The following TENM1 variants were observed in gnomAD, a reference collection of about 807,000 sequenced individuals.
TENM1 encodes teneurin-1.
Under a neutral mutation model 174.8 loss-of-function variants are expected in TENM1, and 35 were observed. That is an observed-to-expected ratio of 0.20 (90% CI 0.15 to 0.27). TENM1 has a LOEUF of 0.27. Among genes scored for constraint, TENM1 ranks in the 10% least tolerant of loss-of-function variants. The pLI, the probability that TENM1 is intolerant of heterozygous loss-of-function variation, is 1.00. For synonymous variants in TENM1, 781 were observed against 798.7 expected, an observed-to-expected ratio of 0.98 and a Z score of 0.37; for missense variants, 1,633 against 2,130.1, an observed-to-expected ratio of 0.77 and a Z score of 4.59.
At chrX:125,095,454 A>G in the TENM1 span, among the ~76,000 whole-genome samples, 1 of 111,924 alleles carries the variant, frequency 8.9e-6, no homozygotes, top group Non-Finnish European at 1.9e-5. Context: ...TTAATTAACA[A>G]TAAGCCACCC....
the TENM1 span, among the ~76,000 whole-genome samples, chrX:125,094,230 G>A: frequency 2.7e-5 from 3 of 111,938 alleles, no homozygotes; most frequent in African/African-American, 6.5e-5. Context: ...TGGGCTGTTG[G>A]CTGGTCTCAT....
chrX:124,550,504 C>T (rs922000966), intron 14 of TENM1, among the ~76,000 whole-genome samples: 1 of 111,535 alleles, frequency 9.0e-6, no homozygotes, highest in Non-Finnish European at 1.9e-5. Flanking sequence ...GGTTGATATT[C>T]TCATCCCTAT....
intron 3 of TENM1, among the ~76,000 whole-genome samples, chrX:124,739,321 A>G (rs1293315964): frequency 8.9e-6 from 1 of 111,912 alleles, no homozygotes; most frequent in Non-Finnish European, 1.9e-5. Context: ...AAAGTATAAA[A>G]CTATAAGGCT....
At chrX:124,663,431 T>C (rs768302921) in intron 6 of TENM1, among the ~76,000 whole-genome samples, 2 of 112,233 alleles carry the variant, frequency 1.8e-5, no homozygotes, top group Non-Finnish European at 3.8e-5. Flanking sequence ...TAGAATTACA[T>C]TGGACTCCAC....
intron 23 of TENM1, among the ~76,000 whole-genome samples, chrX:124,452,371 A>G (rs1376624239): frequency 8.9e-6 from 1 of 112,241 alleles, no homozygotes; most frequent in Non-Finnish European, 1.9e-5. Context: ...TCAGGACACA[A>G]CAGGTGCTGG....
chrX:124,903,930 G>A (rs1041774529), intron 1 of TENM1, among the ~76,000 whole-genome samples: 4 of 111,408 alleles, frequency 3.6e-5, no homozygotes, highest in Non-Finnish European at 7.5e-5. Flanking sequence ...TACATGTGCT[G>A]GCCCAATTTT....
chrX:125,083,941 A>T, the TENM1 span, among the ~76,000 whole-genome samples: 2 of 110,653 alleles, frequency 1.8e-5, no homozygotes, highest in Admixed American at 9.7e-5. Context: ...GGAGGGTGGA[A>T]GTGAAAGTGG....
intron 15 of TENM1, 60 bp downstream of exon 18, chrX:124,546,802 GATATCTTCCTTT>G (rs1215951754): frequency 1.2e-6 from 1 of 854,794 alleles, no homozygotes; most frequent in African/African-American, 2.0e-5. Context: ...ATCCTTAGAA[GATATCTTCCTTT>G]CGTAGTTCAG....
intron 31 of TENM1, 149 bp from the exon 35 acceptor site, chrX:124,381,443 C>A: frequency 3.9e-6 from 2 of 514,448 alleles, no homozygotes; most frequent in Non-Finnish European, 6.1e-6. Context: ...GATTTGGAAT[C>A]TCTTCATCAG....
At chrX:124,783,111 T>G (rs1021026287) in intron 3 of TENM1, among the ~76,000 whole-genome samples, 2 of 112,160 alleles carry the variant, frequency 1.8e-5, no homozygotes, top group African/African-American at 6.5e-5. Flanking sequence ...CTCTATGATA[T>G]GAGTGTACTC....
chrX:124,471,241 TATATA>T lies in TENM1; in HGVS notation c.3949+10486_3949+10490del, dbSNP rs1229780996. Among the ~76,000 whole-genome samples, 37 of 64,770 alleles carry T rather than the reference TATATA, an allele frequency of 5.7e-4. 1 individual carries two copies. The highest frequency in any genetic ancestry group is 2.2e-3 in the African/African-American group (33 of 14,833). The allele number at this position is 64,770 out of a possible 115,157, so 56.2% of individuals were successfully genotyped here. A position where few individuals can be genotyped will look rare whatever the true frequency, so the allele number is the denominator to read the frequency against. Reference sequence around the variant, plus strand: ...TTATAATATATAGTACTATATATAATATATAATAATATATATTATAATATATAGTA... The same window carrying T: ...TTATAATATATAGTACTATATATAATATAATATATATTATAATATATAGTA... On this transcript the variant is annotated intron_variant, in intron 22 of 31. Coordinates refer to ENST00000422452, the Ensembl canonical transcript of TENM1.
upstream of TENM1, among the ~76,000 whole-genome samples, chrX:124,964,347 A>T (rs1003260522): frequency 3.6e-5 from 4 of 111,722 alleles, no homozygotes; most frequent in Non-Finnish European, 5.6e-5. Context: ...GGAATAAAGT[A>T]TCCTTGAGGG....
the TENM1 span, among the ~76,000 whole-genome samples, chrX:125,017,544 T>A: frequency 0.14 from 15,578 of 111,042 alleles, 842 homozygotes; most frequent in South Asian, 0.24. Flanking sequence ...AGGATTATAA[T>A]TCATTGTACT....
the TENM1 span, among the ~76,000 whole-genome samples, chrX:125,118,516 G>A: frequency 9.0e-6 from 1 of 111,367 alleles, no homozygotes; most frequent in Non-Finnish European, 1.9e-5. Flanking sequence ...ACATATATCT[G>A]GCAAAGGACT....
At chrX:124,843,001 T>A (rs773889407) in intron 3 of TENM1, among the ~76,000 whole-genome samples, 1 of 110,947 alleles carries the variant, frequency 9.0e-6, no homozygotes, top group Non-Finnish European at 1.9e-5. Flanking sequence ...TCCTACATCA[T>A]CCTACCTCTT....
the TENM1 span, among the ~76,000 whole-genome samples, chrX:125,168,416 G>A: frequency 9.0e-6 from 1 of 111,710 alleles, no homozygotes; most frequent in East Asian, 2.8e-4. Flanking sequence ...AGTGTTTTCT[G>A]TGTGTGGCAA....
intron 3 of TENM1, among the ~76,000 whole-genome samples, chrX:124,858,946 C>T (rs1430908540): frequency 9.0e-6 from 1 of 111,185 alleles, no homozygotes. Context: ...TAGTCCCAAT[C>T]ATATATTTAT....
chrX:124,519,481 G>GGAATT (rs1414045525), intron 18 of TENM1, among the ~76,000 whole-genome samples: 1 of 110,700 alleles, frequency 9.0e-6, no homozygotes, highest in African/African-American at 3.3e-5. Context: ...CAGCTCTGTA[G>GGAATT]GAATTATACC....
In TENM1 at chrX:124,759,163, T is replaced by C. The variant is rs144143122; in HGVS notation, c.536-21966A>G. Among the ~76,000 whole-genome samples the C allele has an allele frequency of 8.6e-3, 963 of 111,662 alleles. 7 individuals carry two copies. The highest frequency in any genetic ancestry group is 0.015 in the Non-Finnish European group (770 of 53,085). Reference sequence around the variant, plus strand: ...AAATCACATGGCGATAGTGTGATTCTGTGGGTCAGCAATATCACAGTGGAC... The same window carrying C: ...AAATCACATGGCGATAGTGTGATTCCGTGGGTCAGCAATATCACAGTGGAC... On this transcript the variant is annotated intron_variant, in intron 3 of 31. Coordinates refer to ENST00000422452, the Ensembl canonical transcript of TENM1.
Sources: allele counts gnomAD v4.1 joint callset (sites outside exome capture counted in the v4.1 genomes callset), GRCh38; gene constraint gnomAD v4.1.1; transcripts MANE v1.5; gene names NCBI Gene and HGNC (gene_info 2026-07-23, HGNC 2026-07-21).